VWC2: variants seen among roughly 807,000 people sequenced by gnomAD.
VWC2 encodes von Willebrand factor C domain containing 2.
A neutral mutation model predicts 29.8 loss-of-function variants in VWC2; 14 were observed. The ratio of observed to expected loss-of-function variants is 0.47; its 90% CI spans 0.31 to 0.74. The LOEUF (loss-of-function observed/expected upper bound fraction) is 0.74, where lower values mean the gene tolerates loss of function less well. Ranked by LOEUF, VWC2 falls within the 30% of genes least tolerant of loss-of-function variation. VWC2 has a pLI of 0.05. For missense variants in VWC2, 457 were observed against 459.8 expected (o/e 0.99, Z 0.05); for synonymous variants, 213 against 199.0 (o/e 1.07, Z -0.59).
chr7:49,837,098 T>C (rs1380484276), intron 3 of VWC2, among the ~76,000 whole-genome samples: 3 of 152,164 alleles, frequency 2.0e-5, no homozygotes, highest in African/African-American at 7.2e-5. Flanking sequence ...TTGAAGTGAG[T>C]TGAGAACCTT....
chr7:49,792,244 A>G (rs1583630208), intron 2 of VWC2, among the ~76,000 whole-genome samples: 2 of 152,174 alleles, frequency 1.3e-5, no homozygotes, highest in East Asian at 1.9e-4. Flanking sequence ...AGTGTCCATC[A>G]TGAGCCACTC....
At chr7:49,777,747 C>G (rs1452987904) in intron 2 of VWC2, among the ~76,000 whole-genome samples, 2 of 152,110 alleles carry the variant, frequency 1.3e-5, no homozygotes, top group Non-Finnish European at 2.9e-5. Context: ...AGATATCTCT[C>G]CAGGTGTTTT....
intron 3 of VWC2, among the ~76,000 whole-genome samples, chr7:49,823,414 A>G (rs1789311129): frequency 6.6e-6 from 1 of 152,218 alleles, no homozygotes; most frequent in Non-Finnish European, 1.5e-5. Context: ...CTGCAGAGAA[A>G]GGCTTCAAAG....
chr7:49,889,649 C>T (rs1792046165), intron 3 of VWC2, among the ~76,000 whole-genome samples: 1 of 152,112 alleles, frequency 6.6e-6, no homozygotes, highest in East Asian at 1.9e-4. Flanking sequence ...CCTTTTTGCT[C>T]CTTAAGTTTG....
intron 2 of VWC2, among the ~76,000 whole-genome samples, chr7:49,787,481 G>C (rs549992839): frequency 6.6e-6 from 1 of 152,256 alleles, no homozygotes; most frequent in East Asian, 1.9e-4. Context: ...TCCCCACCTG[G>C]TGACACTGTG....
intron 3 of VWC2, 88 bp downstream of exon 3, chr7:49,802,928 G>A (rs775497974): frequency 9.1e-5 from 141 of 1,549,516 alleles, no homozygotes; most frequent in African/African-American, 1.2e-4. Context: ...GGACACATAC[G>A]GATACGTGAG....
chr7:49,909,066 A>T (rs889745729), intron 3 of VWC2, among the ~76,000 whole-genome samples: 3 of 152,214 alleles, frequency 2.0e-5, no homozygotes, highest in Admixed American at 2.0e-4. Context: ...TTTAGCCCTC[A>T]TGAGGCCCTG....
chr7:49,869,807 T>A (rs953875882), intron 3 of VWC2, among the ~76,000 whole-genome samples: 2 of 151,996 alleles, frequency 1.3e-5, no homozygotes, highest in South Asian at 4.1e-4. Context: ...ATTTATAAAA[T>A]GTACATATAT....
intron 3 of VWC2, 80 bp from the exon 4 acceptor site, chr7:49,911,954 T>C (rs1793475975): frequency 1.1e-3 from 459 of 432,138 alleles, no homozygotes; most frequent in Middle Eastern, 2.0e-3. Context: ...CACATATATA[T>C]ACTGTAATGC....
intron 3 of VWC2, among the ~76,000 whole-genome samples, chr7:49,877,273 C>G (rs1791450765): frequency 6.6e-6 from 1 of 150,824 alleles, no homozygotes; most frequent in South Asian, 2.1e-4. Context: ...ACCAGCCTGG[C>G]CAACATGGGG....
At chr7:49,785,495 T>C (rs1240210957) in intron 2 of VWC2, among the ~76,000 whole-genome samples, 3 of 152,174 alleles carry the variant, frequency 2.0e-5, no homozygotes, top group Non-Finnish European at 4.4e-5. Context: ...GTTCCAAGAC[T>C]TTCTAGTTGA....
At position 49,915,436 on chromosome 7, in the gene VWC2, G is replaced by A; in HGVS notation, c.*3251G>A. ...AAGAAGAATTATCATGCAGTTTTAA[G>A]TTCATAACATCAATAATATGTTTAA... On this transcript the variant is annotated 3_prime_UTR_variant, in exon 4 of 4. Transcript: ENST00000340652. The A allele has an allele frequency of 6.6e-6, 1 of 152,174 alleles. No homozygotes were observed. The highest frequency in any genetic ancestry group is 1.9e-4 in the East Asian group (1 of 5,204). 9.4% of individuals were successfully genotyped at this position (152,174 alleles called of 1,614,324 possible).
chr7:49,786,680 T>A (rs691562), intron 2 of VWC2, among the ~76,000 whole-genome samples: 46,084 of 152,066 alleles, frequency 0.3, 7,710 homozygotes, highest in East Asian at 0.68. Context: ...CCATTCTGAC[T>A]GGTGTGAGAT....
chr7:49,809,277 T>C (rs890017611), intron 3 of VWC2, among the ~76,000 whole-genome samples: 1 of 151,976 alleles, frequency 6.6e-6, no homozygotes, highest in African/African-American at 2.4e-5. Flanking sequence ...AGAATAGTTG[T>C]AAGAAATGGA....
chr7:49,905,962 A>G (rs550552550), intron 3 of VWC2, among the ~76,000 whole-genome samples: 123 of 150,076 alleles, frequency 8.2e-4, no homozygotes, highest in African/African-American at 9.8e-4. Flanking sequence ...GTTACCTTAT[A>G]TGGTCTAAAA....
chr7:49,860,473 A>G (rs1347400171), intron 3 of VWC2, among the ~76,000 whole-genome samples: 2 of 152,206 alleles, frequency 1.3e-5, no homozygotes. Context: ...TTGTATGTAT[A>G]TGCCGTGATT....
chr7:49,802,059 A>G (rs1788750185), intron 2 of VWC2, among the ~76,000 whole-genome samples: 1 of 152,208 alleles, frequency 6.6e-6, no homozygotes, highest in Non-Finnish European at 1.5e-5. Flanking sequence ...ATGGGCAAGA[A>G]CTCAGCAGCA....
chr7:49,788,046 C>T (rs1396984754), intron 2 of VWC2, among the ~76,000 whole-genome samples: 1 of 152,168 alleles, frequency 6.6e-6, no homozygotes, highest in Non-Finnish European at 1.5e-5. Context: ...CTTCATCAAA[C>T]GGAGAAACCA....
intron 3 of VWC2, among the ~76,000 whole-genome samples, chr7:49,897,175 G>A (rs1001652510): frequency 9.2e-5 from 14 of 152,190 alleles, no homozygotes; most frequent in Middle Eastern, 3.4e-3. Context: ...GATTACAGGC[G>A]TGAGCCACCG....
Sources: gnomAD v4.1 joint callset for allele counts (sites outside exome capture counted in the v4.1 genomes callset) on GRCh38, gnomAD v4.1.1 for gene constraint, MANE v1.5 for transcripts, NCBI Gene and HGNC (gene_info 2026-07-23, HGNC 2026-07-21) for gene names.